The following ADIPOR2 variants were observed in gnomAD, a reference collection of about 807,000 sequenced individuals.
ADIPOR2 encodes adiponectin receptor protein 2.
Under a neutral mutation model 40.9 loss-of-function variants are expected in ADIPOR2, and 18 were observed. The ratio of observed to expected loss-of-function variants is 0.44; its 90% confidence interval spans 0.30 to 0.65. The LOEUF (loss-of-function observed/expected upper bound fraction) is 0.65, where lower values mean the gene tolerates loss of function less well. ADIPOR2 is among the 30% of genes least tolerant of loss of function. ADIPOR2 has a pLI of 0.09. For missense variants in ADIPOR2, 283 were observed against 479.2 expected (o/e 0.59, Z 3.82); for synonymous variants, 165 against 166.4 (o/e 0.99, Z 0.06).
In ADIPOR2 at chr12:1,736,653, A is replaced by G. The variant is rs2094731438; in HGVS notation, c.-86-17605A>G. ...TCTTAGTTATTTCTTGTTTTCTGCT[A>G]GCTTTTGAATGTGTTTGCTCTTGCT... On this transcript the variant is annotated intron_variant, in intron 1 of 7. Transcript: ENST00000357103. Among the ~76,000 whole-genome samples the G allele has an allele frequency of 1.3e-5, 2 of 152,132 alleles. 1 individual carries two copies. The highest frequency in any genetic ancestry group is 4.1e-4 in the South Asian group (2 of 4,826).
rs749233293 is a variant in ADIPOR2, at chr12:1,783,920, C to T, written c.879C>T (p.Thr293=). 20 of 1,613,044 alleles carry T rather than the reference C, an allele frequency of 1.2e-5. No individual in the cohort carries two copies. In the South Asian group the frequency reaches 2.0e-4, roughly 16 times the overall value. The change falls in exon 7 of 8, where the codon ACC becomes ACT. Residue 293 remains threonine, a synonymous_variant. Coordinates refer to ENST00000357103, the MANE Select transcript of ADIPOR2 (RefSeq NM_024551.3). ...TAGGCCTGAGTGGAATCATTCCTAC[C>T]TTGCACTATGTCATCTCGGAGGGGT... ...LGLGLSGIIP[T]LHYVISEGFL... is the part of the protein sequence containing the mutation.
At chr12:1,728,073 G>T (rs2094711569) in intron 1 of ADIPOR2, among the ~76,000 whole-genome samples, 2 of 151,786 alleles carry the variant, frequency 1.3e-5, no homozygotes, top group African/African-American at 4.8e-5. Flanking sequence ...ACACTTTCTA[G>T]TTACTTGTTC....
intron 1 of ADIPOR2, among the ~76,000 whole-genome samples, chr12:1,720,778 A>G (rs1199044541): frequency 6.6e-6 from 1 of 152,170 alleles, no homozygotes; most frequent in East Asian, 1.9e-4. Flanking sequence ...CCCCTGCTGT[A>G]TAGGAGTTGT....
intron 2 of ADIPOR2, among the ~76,000 whole-genome samples, chr12:1,770,122 ATGT>A (rs58101429): frequency 0.066 from 9,942 of 151,378 alleles, 831 homozygotes; most frequent in African/African-American, 0.19. Flanking sequence ...GGGTTTTACC[ATGT>A]TGCCCAGGCT....
Position 1,717,289 on chromosome 12 carries a change from T to G in ADIPOR2, c.-87+26098T>G, listed in dbSNP as rs540265564. Among the ~76,000 whole-genome samples the G allele has an allele frequency of 3.3e-5, 5 of 152,368 alleles. No homozygotes were observed. The East Asian group carries it at 9.6e-4, about 29-fold the overall frequency. ...AATTTTCTGAGTCACTTCTTTATTT[T>G]CTAGGCTGCTCATATTAAGAGAAGT... On this transcript the variant is annotated intron_variant, in intron 1 of 7. Transcript: ENST00000357103.
chr12:1,729,509 T>TA (rs1462712159), intron 1 of ADIPOR2, among the ~76,000 whole-genome samples: 1 of 151,288 alleles, frequency 6.6e-6, no homozygotes, highest in Non-Finnish European at 1.5e-5. Flanking sequence ...AACAGGGTCT[T>TA]ACTCTATTGC....
chr12:1,754,609 G>A (rs1320039763), intron 2 of ADIPOR2, 95 bp downstream of exon 2: 4 of 1,258,536 alleles, frequency 3.2e-6, no homozygotes, highest in African/African-American at 1.5e-5. Flanking sequence ...GTCCATTGCT[G>A]GAGGGAGGAT....
chr12:1,719,788 C>T (rs550399086), intron 1 of ADIPOR2, among the ~76,000 whole-genome samples: 3 of 152,020 alleles, frequency 2.0e-5, no homozygotes, highest in Admixed American at 6.6e-5. Context: ...AGTTCTCCTG[C>T]GACAGCCTGT....
At chr12:1,699,638 C>A (rs1363807871) in intron 1 of ADIPOR2, among the ~76,000 whole-genome samples, 1 of 152,014 alleles carries the variant, frequency 6.6e-6, no homozygotes, top group Non-Finnish European at 1.5e-5. Flanking sequence ...GCAACAAGAG[C>A]GAAACTCCGT....
intron 1 of ADIPOR2, among the ~76,000 whole-genome samples, chr12:1,724,518 G>A (rs1190689439): frequency 1.3e-5 from 2 of 152,124 alleles, no homozygotes; most frequent in Non-Finnish European, 2.9e-5. Context: ...ACTGTTTAAC[G>A]GGTATAGTTT....
intron 2 of ADIPOR2, among the ~76,000 whole-genome samples, chr12:1,764,668 C>T (rs1862339116): frequency 1.3e-5 from 2 of 152,060 alleles, no homozygotes. Flanking sequence ...TCCTGGAGGT[C>T]TCTTTATTAC....
chr12:1,779,492 G>GT (rs1158148482), intron 4 of ADIPOR2, among the ~76,000 whole-genome samples: 1 of 152,188 alleles, frequency 6.6e-6, no homozygotes, highest in Middle Eastern at 3.2e-3. Flanking sequence ...CAGTAGATTA[G>GT]TGGTTGTTTA....
chr12:1,694,822 G>T (rs1032948931), intron 1 of ADIPOR2, among the ~76,000 whole-genome samples: 8 of 151,814 alleles, frequency 5.3e-5, no homozygotes, highest in Non-Finnish European at 1.2e-4. Context: ...CTTTTTTTTA[G>T]CAGCTTTAGA....
intron 1 of ADIPOR2, among the ~76,000 whole-genome samples, chr12:1,745,491 G>T (rs768701579): frequency 6.6e-6 from 1 of 152,136 alleles, no homozygotes; most frequent in Non-Finnish European, 1.5e-5. Flanking sequence ...GCTGTTGTTT[G>T]TGCTGTTAAT....
intron 1 of ADIPOR2, among the ~76,000 whole-genome samples, chr12:1,730,016 GGT>G (rs1398830952): frequency 6.6e-6 from 1 of 152,034 alleles, no homozygotes; most frequent in Non-Finnish European, 1.5e-5. Context: ...AACAAAAAAA[GGT>G]GAGGGAAAAG....
chr12:1,777,767 A>T, intron 3 of ADIPOR2, 87 bp from the exon 4 acceptor site: 1 of 1,247,458 alleles, frequency 8.0e-7, no homozygotes, highest in South Asian at 1.5e-5. Context: ...ATTATAAAAC[A>T]GTGTGATAAG....
At position 1,785,941 on chromosome 12, in the gene ADIPOR2, C is replaced by T. The variant is rs776161287; in HGVS notation, c.1033-3C>T. On this transcript the variant is annotated splice_region_variant and splice_polypyrimidine_tract_variant and intron_variant, in intron 7 of 7. Coordinates refer to ENST00000357103, the MANE Select transcript of ADIPOR2 (RefSeq NM_024551.3). ...CCCCCTTCTCTTCTTTTTTCCCCTC[C>T]AGTTTCACTCTCATCAGCTGTTTCA... 1 of 1,612,306 alleles carries T rather than the reference C, an allele frequency of 6.2e-7. No individual in the cohort carries two copies. The highest frequency in any genetic ancestry group is 1.1e-5 in the South Asian group (1 of 90,636).
intron 1 of ADIPOR2, among the ~76,000 whole-genome samples, chr12:1,749,026 G>GGC (rs1417839361): frequency 6.6e-6 from 1 of 152,168 alleles, no homozygotes; most frequent in African/African-American, 2.4e-5. Flanking sequence ...GGGCTCCCAT[G>GGC]GCCCCCTCTT....
chr12:1,763,646 T>C (rs569453591), intron 2 of ADIPOR2, among the ~76,000 whole-genome samples: 1 of 152,354 alleles, frequency 6.6e-6, no homozygotes, highest in East Asian at 1.9e-4. Context: ...GTTATCTGTC[T>C]CCACTCACTT....
Sources: gnomAD v4.1 joint callset for allele counts (sites outside exome capture counted in the v4.1 genomes callset) on GRCh38, gnomAD v4.1.1 for gene constraint, MANE v1.5 for transcripts, NCBI Gene and HGNC (gene_info 2026-07-23, HGNC 2026-07-21) for gene names.